Variants in CDK14 observed in about 807,000 individuals in gnomAD.
The protein encoded by CDK14 is cyclin-dependent kinase 14.
Under a neutral mutation model 60.7 loss-of-function variants are expected in CDK14, and 34 were observed. The ratio of observed to expected loss-of-function variants is 0.56; its 90% CI spans 0.43 to 0.75. The LOEUF (loss-of-function observed/expected upper bound fraction) is 0.75. Ranked by LOEUF, CDK14 falls within the 30% of genes least tolerant of loss-of-function variation. The pLI is 0.00. For synonymous variants in CDK14, 197 were observed against 203.7 expected, an observed-to-expected ratio of 0.97 and a Z score of 0.28; for missense variants, 482 against 564.1, an observed-to-expected ratio of 0.85 and a Z score of 1.47.
chr7:90,704,987 A>G (rs974626398), intron 2 of CDK14, among the ~76,000 whole-genome samples: 2 of 152,124 alleles, frequency 1.3e-5, no homozygotes, highest in Non-Finnish European at 2.9e-5. Flanking sequence ...ATGAAATTTT[A>G]CCATAAAAAT....
In CDK14 at chr7:91,209,868, C is replaced by G. The variant is rs1027714944; in HGVS notation, c.*2732C>G. ...TTCTGGGGTGAGAAGCGATTTCTACCTCGCAAGAGTGACTAGAAAGTTTCT... is the reference window on the plus strand; with the variant it reads ...TTCTGGGGTGAGAAGCGATTTCTACGTCGCAAGAGTGACTAGAAAGTTTCT... On this transcript the variant is annotated 3_prime_UTR_variant, in exon 15 of 15. Coordinates refer to ENST00000380050, the MANE Select transcript of CDK14 (RefSeq NM_001287135.2). 1.3e-5 allele frequency: 2 copies of G among 152,586 alleles called. No homozygotes were observed. The highest frequency in any genetic ancestry group is 2.9e-5 in the Non-Finnish European group (2 of 68,026). The allele number at this position is 152,586 out of a possible 1,614,324, so 9.5% of individuals were successfully genotyped here.
intron 4 of CDK14, among the ~76,000 whole-genome samples, chr7:90,784,068 A>G (rs1805461272): frequency 6.6e-6 from 1 of 152,212 alleles, no homozygotes; most frequent in South Asian, 2.1e-4. Context: ...AATGTGATAG[A>G]TAGTACACAA....
intron 2 of CDK14, among the ~76,000 whole-genome samples, chr7:90,636,828 T>G (rs1334261841): frequency 6.6e-6 from 1 of 152,176 alleles, no homozygotes; most frequent in Non-Finnish European, 1.5e-5. Context: ...TATTAGTCTA[T>G]TCAGAGATTC....
chr7:91,006,873 G>C (rs1249517267), intron 10 of CDK14, among the ~76,000 whole-genome samples: 1 of 152,138 alleles, frequency 6.6e-6, no homozygotes, highest in East Asian at 1.9e-4. Flanking sequence ...CATTTTGCTT[G>C]AACAGTTGCA....
intron 11 of CDK14, among the ~76,000 whole-genome samples, chr7:91,067,614 T>C (rs1167895385): frequency 6.6e-6 from 1 of 152,228 alleles, no homozygotes; most frequent in Non-Finnish European, 1.5e-5. Flanking sequence ...CATTGCCCAA[T>C]GTAGCACCTG....
intron 11 of CDK14, 96 bp from the exon 12 acceptor site, chr7:91,079,336 A>T (rs536969461): frequency 5.4e-6 from 4 of 745,544 alleles, no homozygotes; most frequent in Non-Finnish European, 9.1e-6. Context: ...CTGACTGAGT[A>T]GCCCACTCTT....
intron 14 of CDK14, among the ~76,000 whole-genome samples, chr7:91,126,742 G>A (rs1022600130): frequency 1.4e-4 from 21 of 152,268 alleles, no homozygotes; most frequent in African/African-American, 4.6e-4. Context: ...GTTTTTCAGT[G>A]TTTCAGCTGC....
At position 91,063,693 on chromosome 7, in the gene CDK14, A is replaced by G. The variant is rs150569638; in HGVS notation, c.1106-15739A>G. 2.2e-3 allele frequency among the ~76,000 whole-genome samples: 339 copies of G among 152,324 alleles called. 3 individuals are homozygous for G. Among genetic ancestry groups the G allele is most frequent in the Middle Eastern group, 0.014 (4 of 294 alleles). ...TATATCGGGAGTTAGAGGAGCATCA[A>G]CGTATTTGTGGATTTTATTCATTTG... is the stretch of plus-strand genomic sequence containing the variant. On this transcript the variant is annotated intron_variant, in intron 11 of 14. Coordinates refer to ENST00000380050, the MANE Select transcript of CDK14 (RefSeq NM_001287135.2).
chr7:90,990,101 A>G lies in CDK14; in HGVS notation c.1041+5860A>G, dbSNP rs544688097. Among the ~76,000 whole-genome samples the G allele has an allele frequency of 3.9e-5, 6 of 152,284 alleles. No individual in the cohort carries two copies. The South Asian group carries it at 1.2e-3, about 32-fold the overall frequency. On this transcript the variant is annotated intron_variant, in intron 10 of 14. Coordinates refer to ENST00000380050, the MANE Select transcript of CDK14 (RefSeq NM_001287135.2). ...TAATAAAACAGTATAACAGGAGAGT[A>G]ATGTTAAGAGCATTTTAACAAAAAT... is the stretch of plus-strand genomic sequence containing the variant.
At chr7:90,964,622 TTTTA>T (rs1158241073) in intron 9 of CDK14, among the ~76,000 whole-genome samples, 1 of 152,222 alleles carries the variant, frequency 6.6e-6, no homozygotes, top group Non-Finnish European at 1.5e-5. Context: ...TTTAATTATT[TTTTA>T]TTTATTTTTA....
chr7:91,012,474 C>G (rs932438522), intron 10 of CDK14, among the ~76,000 whole-genome samples: 1 of 152,148 alleles, frequency 6.6e-6, no homozygotes, highest in Non-Finnish European at 1.5e-5. Flanking sequence ...GTAGCCTTAG[C>G]CTTCCTGGAC....
chr7:90,708,322 A>G (rs963852813), intron 2 of CDK14, among the ~76,000 whole-genome samples: 7 of 152,102 alleles, frequency 4.6e-5, no homozygotes, highest in Non-Finnish European at 1.0e-4. Flanking sequence ...GGTTCTGGAA[A>G]AGGTGTCTTT....
chr7:90,741,081 A>G (rs1803325206), intron 3 of CDK14, among the ~76,000 whole-genome samples: 1 of 152,184 alleles, frequency 6.6e-6, no homozygotes, highest in African/African-American at 2.4e-5. Context: ...TTGACCCCAC[A>G]TTGAATGCTT....
Position 90,710,316 on chromosome 7 carries a change from G to A in CDK14, c.124-16251G>A, listed in dbSNP as rs2116641931. 9 of 985,252 alleles carry A rather than the reference G, an allele frequency of 9.1e-6. No individual in the cohort carries two copies. The South Asian group carries it at 3.8e-4, about 41-fold the overall frequency. The allele number at this position is 985,252 out of a possible 1,614,324, so 61.0% of individuals were successfully genotyped here. ...GTCTTTATTTATTACAGCTGAAAGA[G>A]ATCTTACATTTTTTTTTGCCTGGCT... On this transcript the variant is annotated intron_variant, in intron 2 of 14. Transcript: ENST00000380050.
chr7:90,844,890 C>G (rs1790416145), intron 5 of CDK14, among the ~76,000 whole-genome samples: 1 of 152,042 alleles, frequency 6.6e-6, no homozygotes, highest in Non-Finnish European at 1.5e-5. Flanking sequence ...ATAACCCTTC[C>G]CCATCTCTGT....
intron 6 of CDK14, among the ~76,000 whole-genome samples, chr7:90,892,994 G>T (rs1792185505): frequency 6.6e-6 from 1 of 152,094 alleles, no homozygotes; most frequent in Non-Finnish European, 1.5e-5. Context: ...TAGCCAGGAT[G>T]ATCTCTATCT....
At chr7:90,983,069 A>G (rs1231971161) in intron 9 of CDK14, among the ~76,000 whole-genome samples, 1 of 152,334 alleles carries the variant, frequency 6.6e-6, no homozygotes, top group East Asian at 1.9e-4. Context: ...GCAAGGCTAC[A>G]GAGAAAAGGG....
intron 3 of CDK14, among the ~76,000 whole-genome samples, chr7:90,746,110 T>G (rs532145469): frequency 6.6e-6 from 1 of 152,326 alleles, no homozygotes; most frequent in East Asian, 1.9e-4. Flanking sequence ...AGGTTCTTGC[T>G]TCTTTTATTT....
At chr7:90,708,527 A>C (rs1046785799) in intron 2 of CDK14, among the ~76,000 whole-genome samples, 1 of 152,212 alleles carries the variant, frequency 6.6e-6, no homozygotes, top group Non-Finnish European at 1.5e-5. Flanking sequence ...AAGATTTTAC[A>C]TGAGCTTTTG....
Sources: gnomAD v4.1 joint callset for allele counts (sites outside exome capture counted in the v4.1 genomes callset) on GRCh38, gnomAD v4.1.1 for gene constraint, MANE v1.5 for transcripts, NCBI Gene and HGNC (gene_info 2026-07-23, HGNC 2026-07-21) for gene names.